Variants in THSD7A observed in about 807,000 individuals in gnomAD.
THSD7A encodes the protein thrombospondin type-1 domain-containing protein 7A.
A neutral mutation model predicts 231.3 loss-of-function variants in THSD7A; 96 were observed. That is an observed-to-expected ratio of 0.41 (90% CI 0.35 to 0.49). The LOEUF is 0.49. Among genes scored for constraint, THSD7A ranks in the 20% least tolerant of loss-of-function variants. The pLI is 0.05. For synonymous variants in THSD7A, 940 were observed against 743.3 expected (o/e 1.26, Z -4.30); for missense variants, 2,290 against 2,070.2 (o/e 1.11, Z -2.06).
At chr7:11,415,732 C>G (rs1236872500) in intron 17 of THSD7A, among the ~76,000 whole-genome samples, 2 of 152,272 alleles carry the variant, frequency 1.3e-5, no homozygotes, top group East Asian at 3.9e-4. Flanking sequence ...AACATAAAAC[C>G]TCCTGAACAC....
At chr7:11,526,494 C>T (rs903722310) in intron 6 of THSD7A, among the ~76,000 whole-genome samples, 5 of 152,230 alleles carry the variant, frequency 3.3e-5, no homozygotes, top group Non-Finnish European at 5.9e-5. Flanking sequence ...TTCCCATCTC[C>T]AACTAAATAG....
intron 11 of THSD7A, among the ~76,000 whole-genome samples, chr7:11,449,088 A>T (rs1785064784): frequency 6.6e-6 from 1 of 152,082 alleles, no homozygotes; most frequent in South Asian, 2.1e-4. Flanking sequence ...GCAGATTATA[A>T]TCCCCTGGAT....
chr7:11,432,455 C>T lies in THSD7A; in HGVS notation c.3065-3330G>A, dbSNP rs545144013. Among the ~76,000 whole-genome samples the T allele has an allele frequency of 1.8e-4, 28 of 152,186 alleles. No homozygotes were observed. In the South Asian group the frequency reaches 5.8e-3, roughly 32 times the overall value. On this transcript the variant is annotated intron_variant, in intron 13 of 27. Transcript: ENST00000423059. ...AAATCAATAGTCCAGAACTCTCCTC[C>T]GTATTCCCTTGCAGCCACTGCCCCT...
intron 4 of THSD7A, among the ~76,000 whole-genome samples, chr7:11,544,317 G>A (rs1789283089): frequency 6.6e-6 from 1 of 152,066 alleles, no homozygotes; most frequent in African/African-American, 2.4e-5. Flanking sequence ...ACTCCAGCCT[G>A]GCAACAGAGC....
chr7:11,823,354 A>G (rs1784928166), intron 1 of THSD7A, among the ~76,000 whole-genome samples: 1 of 152,094 alleles, frequency 6.6e-6, no homozygotes, highest in South Asian at 2.1e-4. Context: ...TGGTTACTAT[A>G]GCCTCATAAT....
chr7:11,717,049 C>T (rs1482279935), intron 1 of THSD7A, among the ~76,000 whole-genome samples: 1 of 151,044 alleles, frequency 6.6e-6, no homozygotes, highest in East Asian at 2.0e-4. Context: ...GTTCCATTTG[C>T]TAATTCTTTT....
chr7:11,568,624 C>CAAAA (rs33930587), intron 4 of THSD7A, among the ~76,000 whole-genome samples: 42 of 48,980 alleles, frequency 8.6e-4, no homozygotes, highest in South Asian at 1.3e-3. Flanking sequence ...AACTCCGTCT[C>CAAAA]AAAAAAAAAA....
rs149790617 is a variant in THSD7A at position 11,406,339 on chromosome 7, T to C, written c.4198A>G (p.Asn1400Asp). The C allele has an allele frequency of 5.0e-6, 8 of 1,613,396 alleles. No individual in the cohort carries two copies. The East Asian group carries it at 1.6e-4, about 31-fold the overall frequency. The change falls in exon 22 of 28, where the codon AAT becomes GAT. Residue 1400 changes from asparagine to aspartate, a missense_variant. Transcript: ENST00000423059. This position sits in a 1 kb window ranked among gnomAD's most constrained non-coding sequence, Gnocchi z 4.7. ...DIELIIDGNK[N>D]MVLEESCSQP... ...CTGCAGGATTCCTCCAGAACCATAT[T>C]TTTATTACCATCTATAATGAGTTCA...
chr7:11,767,681 A>T lies in THSD7A; in HGVS notation c.190+64076T>A, dbSNP rs138030244. 6.2e-3 allele frequency among the ~76,000 whole-genome samples: 946 copies of T among 152,306 alleles called. 14 individuals are homozygous for T. Among genetic ancestry groups the T allele is most frequent in the African/African-American group, 0.022 (910 of 41,576 alleles). The stretch of plus-strand genomic sequence containing the variant: ...AGATCTTTGGGTTTTCTGTTCACAG[A>T]AAAACCTAGAAGAGTTGCTGGCATA... On this transcript the variant is annotated intron_variant, in intron 1 of 27. Transcript: ENST00000423059.
rs1278738686 is a variant in THSD7A at position 11,636,883 on chromosome 7, T to G, written c.269A>C (p.Glu90Ala). Residue 90 changes from glutamate (E) to alanine (A), a missense_variant, in exon 2 of 28, where the codon GAG becomes GCG. Coordinates refer to ENST00000423059, the MANE Select transcript of THSD7A (RefSeq NM_015204.3). This position sits in a 1 kb window ranked among gnomAD's most constrained non-coding sequence, Gnocchi z 10.0. ...QTRAVWCAHV[E>A]GWTTLHTNCK... The stretch of plus-strand genomic sequence containing the variant: ...GTTAGTATGCAGTGTAGTCCATCCC[T>G]CCACATGAGCACACCACACAGCCCT... 1 of 1,613,830 alleles carries G rather than the reference T, an allele frequency of 6.2e-7. No individual in the cohort carries two copies. The highest frequency in any genetic ancestry group is 8.5e-7 in the Non-Finnish European group (1 of 1,179,874).
intron 4 of THSD7A, among the ~76,000 whole-genome samples, chr7:11,566,995 A>C: frequency 7.6e-6 from 1 of 130,976 alleles, no homozygotes; most frequent in Non-Finnish European, 1.6e-5. Context: ...AAAGTTTCCT[A>C]AAGTTGTTGT....
In THSD7A at chr7:11,411,844, T is replaced by C. The variant is rs984239; in HGVS notation, c.3683-522A>G. ...TTTATTCATTCTCTTATGTCTTTCG[T>C]AAGAAGACATAAAAGACACCTCTTT... On this transcript the variant is annotated intron_variant, in intron 18 of 27. Coordinates refer to ENST00000423059, the MANE Select transcript of THSD7A (RefSeq NM_015204.3). The surrounding 1 kb of genome is among the most constrained non-coding windows in gnomAD (Gnocchi z 4.1). Among the ~76,000 whole-genome samples, 65,394 of 151,688 alleles carry C rather than the reference T, an allele frequency of 0.43. 14,881 individuals carry two copies. The highest frequency in any genetic ancestry group is 0.58 in the African/African-American group (24,155 of 41,328).
chr7:11,471,048 A>G (rs944815410), intron 8 of THSD7A, among the ~76,000 whole-genome samples: 3 of 152,094 alleles, frequency 2.0e-5, no homozygotes, highest in Non-Finnish European at 2.9e-5. Flanking sequence ...CATTTTTACA[A>G]TCTGATGCTA....
chr7:11,546,418 G>C (rs985914818), intron 4 of THSD7A, among the ~76,000 whole-genome samples: 1 of 152,134 alleles, frequency 6.6e-6, no homozygotes, highest in Non-Finnish European at 1.5e-5. Context: ...AGAGAACAAA[G>C]CCATAGGCCT....
chr7:11,739,232 C>G (rs1327758524), intron 1 of THSD7A, among the ~76,000 whole-genome samples: 1 of 151,952 alleles, frequency 6.6e-6, no homozygotes, highest in Admixed American at 6.6e-5. Flanking sequence ...TTTTAAGAAA[C>G]ATGACATAAA....
At chr7:11,726,235 G>T (rs1781540905) in intron 1 of THSD7A, among the ~76,000 whole-genome samples, 1 of 151,856 alleles carries the variant, frequency 6.6e-6, no homozygotes, top group Non-Finnish European at 1.5e-5. Context: ...TGAAAAGGGA[G>T]CTCTGAATAA....
intron 1 of THSD7A, among the ~76,000 whole-genome samples, chr7:11,673,890 G>A (rs1238058988): frequency 6.6e-6 from 1 of 152,082 alleles, no homozygotes; most frequent in African/African-American, 2.4e-5. Context: ...CATGAGCTGA[G>A]CAGCCTCCAT....
chr7:11,546,232 G>A (rs1483384931), intron 4 of THSD7A, among the ~76,000 whole-genome samples: 3 of 96,810 alleles, frequency 3.1e-5, no homozygotes, highest in Non-Finnish European at 4.1e-5. Flanking sequence ...ACACACACAC[G>A]TGGACCCTGC....
At chr7:11,743,282 C>G (rs1465008) in intron 1 of THSD7A, among the ~76,000 whole-genome samples, 30,386 of 151,704 alleles carry the variant, frequency 0.2, 4,071 homozygotes, top group African/African-American at 0.38. Flanking sequence ...CATCAAACCT[C>G]ATTTACCAGT....
Sources: allele counts gnomAD v4.1 joint callset (sites outside exome capture counted in the v4.1 genomes callset), GRCh38; gene constraint gnomAD v4.1.1; non-coding constraint Gnocchi (gnomAD v3.1); transcripts MANE v1.5; gene names NCBI Gene and HGNC (gene_info 2026-07-23, HGNC 2026-07-21).